The following DTD1 variants were observed in gnomAD, a reference collection of about 807,000 sequenced individuals.
DTD1 encodes D-tyrosyl-tRNA deacylase 1 homolog.
In DTD1, 13 loss-of-function variants were observed where a neutral mutation model predicts 25.6. That is an observed-to-expected ratio of 0.51 (90% CI 0.33 to 0.81). DTD1 has a LOEUF of 0.81. Ranked by LOEUF, DTD1 falls within the 30% of genes least tolerant of loss-of-function variation. The pLI is 0.02. For synonymous variants in DTD1, 110 were observed against 103.6 expected, an observed-to-expected ratio of 1.06 and a Z score of -0.37; for missense variants, 193 against 266.4, an observed-to-expected ratio of 0.72 and a Z score of 1.92.
intron 3 of DTD1, among the ~76,000 whole-genome samples, chr20:18,626,963 A>T (rs1339271519): frequency 1.3e-5 from 2 of 152,190 alleles, no homozygotes; most frequent in Non-Finnish European, 2.9e-5. Context: ...AATTAAACAC[A>T]TGATTTCCTT....
intron 3 of DTD1, among the ~76,000 whole-genome samples, chr20:18,616,206 T>C (rs2060708422): frequency 6.6e-6 from 1 of 152,186 alleles, no homozygotes; most frequent in Admixed American, 6.5e-5. Flanking sequence ...TTTGGCCAAA[T>C]ACATTTATAT....
intron 4 of DTD1, among the ~76,000 whole-genome samples, chr20:18,720,755 G>A (rs1308164424): frequency 6.6e-6 from 1 of 152,146 alleles, no homozygotes; most frequent in Non-Finnish European, 1.5e-5. Flanking sequence ...CTACTCAAGA[G>A]GCTGAGGTGG....
intron 4 of DTD1, among the ~76,000 whole-genome samples, chr20:18,648,608 C>T (rs2060859191): frequency 6.6e-6 from 1 of 152,156 alleles, no homozygotes; most frequent in Non-Finnish European, 1.5e-5. Context: ...ATTTTCTCTT[C>T]TTTCATCTCT....
At chr20:18,760,883 C>T (rs1322339616) in intron 5 of DTD1, among the ~76,000 whole-genome samples, 1 of 152,234 alleles carries the variant, frequency 6.6e-6, no homozygotes, top group Non-Finnish European at 1.5e-5. Context: ...TGGGCTCCAC[C>T]CAGTTCGAGC....
intron 4 of DTD1, among the ~76,000 whole-genome samples, chr20:18,668,971 C>T (rs1418696172): frequency 2.6e-5 from 4 of 152,158 alleles, no homozygotes; most frequent in Non-Finnish European, 5.9e-5. Flanking sequence ...GTGCAAGTCT[C>T]GCCCAGAACA....
At chr20:18,653,368 T>A (rs1239946011) in intron 4 of DTD1, among the ~76,000 whole-genome samples, 1 of 152,204 alleles carries the variant, frequency 6.6e-6, no homozygotes, top group Admixed American at 6.5e-5. Context: ...AACTCCAGCC[T>A]GGGTGACAGA....
intron 5 of DTD1, among the ~76,000 whole-genome samples, chr20:18,755,660 C>A (rs919924189): frequency 8.5e-5 from 13 of 152,128 alleles, no homozygotes; most frequent in African/African-American, 3.1e-4. Context: ...TTTCTTAATC[C>A]AGTCTATCAT....
At chr20:18,602,165 AG>A (rs1428676858) in intron 3 of DTD1, among the ~76,000 whole-genome samples, 1 of 131,604 alleles carries the variant, frequency 7.6e-6, no homozygotes, top group Non-Finnish European at 1.7e-5. Flanking sequence ...ACTAGAAGAA[AG>A]GGTATCAGCA....
At chr20:18,631,479 T>G (rs929293639) in intron 4 of DTD1, 15 of 985,408 alleles carry the variant, frequency 1.5e-5, no homozygotes, top group African/African-American at 1.7e-5. Context: ...GTCATCCATC[T>G]TATCCCATTG....
intron 3 of DTD1, among the ~76,000 whole-genome samples, chr20:18,599,923 A>G (rs2060626768): frequency 6.6e-6 from 1 of 152,124 alleles, no homozygotes; most frequent in South Asian, 2.1e-4. Context: ...CCTTTATCAG[A>G]TATGTCTTTT....
intron 4 of DTD1, among the ~76,000 whole-genome samples, chr20:18,661,634 G>A (rs1448022035): frequency 1.3e-5 from 2 of 152,156 alleles, no homozygotes; most frequent in African/African-American, 4.8e-5. Flanking sequence ...GCCTCCCAAA[G>A]TGCTGGGATT....
intron 4 of DTD1, among the ~76,000 whole-genome samples, chr20:18,643,930 A>G (rs1224508484): frequency 6.6e-6 from 1 of 152,086 alleles, no homozygotes; most frequent in East Asian, 1.9e-4. Context: ...TATATTGCCT[A>G]TGTTTTTGTG....
chr20:18,699,894 T>G (rs2061096458), intron 4 of DTD1, among the ~76,000 whole-genome samples: 1 of 152,240 alleles, frequency 6.6e-6, no homozygotes, highest in South Asian at 2.1e-4. Context: ...CTTCCCGAAG[T>G]GTTAATGTTA....
chr20:18,668,815 C>A lies in DTD1; in HGVS notation c.477+40582C>A, dbSNP rs561530159. On this transcript the variant is annotated intron_variant, in intron 4 of 5. Transcript: ENST00000377452. ...ACTTGCCCTTTTCCAGATTTTTCTG[C>A]CTCTCAACTTCTAGAGCTGAATGTG... Among the ~76,000 whole-genome samples the A allele has an allele frequency of 1.7e-4, 26 of 152,318 alleles. No individual in the cohort carries two copies. In the South Asian group the frequency reaches 5.4e-3, roughly 32 times the overall value.
intron 3 of DTD1, among the ~76,000 whole-genome samples, chr20:18,624,530 T>C (rs1026784344): frequency 1.3e-5 from 2 of 152,166 alleles, no homozygotes; most frequent in African/African-American, 4.8e-5. Flanking sequence ...GTGGCCATGC[T>C]CGATTGAGTC....
intron 4 of DTD1, among the ~76,000 whole-genome samples, chr20:18,648,471 C>A (rs2060858587): frequency 6.6e-6 from 1 of 152,094 alleles, no homozygotes; most frequent in African/African-American, 2.4e-5. Context: ...TGCTTGGGGA[C>A]CTTTTTCCTA....
chr20:18,706,745 A>G (rs1488051494), intron 4 of DTD1, among the ~76,000 whole-genome samples: 2 of 152,258 alleles, frequency 1.3e-5, no homozygotes, highest in Non-Finnish European at 2.9e-5. Flanking sequence ...TTCTAGGCAG[A>G]AAAACATTTT....
intron 3 of DTD1, among the ~76,000 whole-genome samples, chr20:18,627,124 A>G (rs192965915): frequency 2.0e-4 from 31 of 152,346 alleles, no homozygotes; most frequent in Non-Finnish European, 3.5e-4. Context: ...AATCTTGCTT[A>G]TAAACATGGC....
chr20:18,623,308 T>C (rs987947437), intron 3 of DTD1, among the ~76,000 whole-genome samples: 8 of 152,162 alleles, frequency 5.3e-5, no homozygotes, highest in Non-Finnish European at 1.2e-4. Context: ...TCTCATGTCT[T>C]TTGGTTGTAT....
Sources: gnomAD v4.1 joint callset for allele counts (sites outside exome capture counted in the v4.1 genomes callset) on GRCh38, gnomAD v4.1.1 for gene constraint, MANE v1.5 for transcripts, NCBI Gene and HGNC (gene_info 2026-07-23, HGNC 2026-07-21) for gene names.